The following DPP6 variants were observed in gnomAD, a reference collection of about 807,000 sequenced individuals.
DPP6 encodes the protein dipeptidyl peptidase like 6.
Under a neutral mutation model 122.6 loss-of-function variants are expected in DPP6, and 69 were observed. That is an observed-to-expected ratio of 0.56 (90% CI 0.46 to 0.69). DPP6 has a LOEUF of 0.69. DPP6 is among the 30% of genes least tolerant of loss of function. The pLI, the probability that DPP6 is intolerant of heterozygous loss-of-function variation, is 0.00. For synonymous variants in DPP6, 418 were observed against 433.1 expected (o/e 0.97, Z 0.43); for missense variants, 928 against 1,116.9 (o/e 0.83, Z 2.41).
At chr7:154,685,427 G>T (rs1051116843) in intron 7 of DPP6, among the ~76,000 whole-genome samples, 1 of 152,264 alleles carries the variant, frequency 6.6e-6, no homozygotes, top group East Asian at 1.9e-4. Flanking sequence ...GCTCTGGTTC[G>T]TTTGGACCAG....
intron 3 of DPP6, among the ~76,000 whole-genome samples, chr7:154,533,073 T>A (rs1010049741): frequency 6.6e-6 from 1 of 152,192 alleles, no homozygotes; most frequent in Non-Finnish European, 1.5e-5. Flanking sequence ...TACCATTAGA[T>A]CACATCACCT....
At chr7:153,987,307 G>A (rs1159931684) in intron 1 of DPP6, among the ~76,000 whole-genome samples, 3 of 152,156 alleles carry the variant, frequency 2.0e-5, no homozygotes, top group African/African-American at 7.2e-5. Flanking sequence ...TACCATGCCT[G>A]GGGCTTCAAT....
At chr7:153,755,860 A>G in the DPP6 span, among the ~76,000 whole-genome samples, 2 of 152,106 alleles carry the variant, frequency 1.3e-5, no homozygotes, top group South Asian at 4.1e-4. Flanking sequence ...CTCTTTCTGT[A>G]GGAAGCCCTC....
intron 1 of DPP6, among the ~76,000 whole-genome samples, chr7:154,323,259 A>C (rs1308466782): frequency 6.6e-6 from 1 of 151,712 alleles, no homozygotes; most frequent in Non-Finnish European, 1.5e-5. Flanking sequence ...TCTCTTTTGG[A>C]GTTTATGTAT....
At position 154,892,991 on chromosome 7, in the gene DPP6, C is replaced by T. The variant is rs371095034; in HGVS notation, c.*511C>T. On this transcript the variant is annotated 3_prime_UTR_variant, in exon 26 of 26. Transcript: ENST00000377770. ...GGCTTGCTACTTCCTGTAATGAGGACGTTCAACATGGTGAGGGGCTACAAG... is the reference window on the plus strand; with the variant it reads ...GGCTTGCTACTTCCTGTAATGAGGATGTTCAACATGGTGAGGGGCTACAAG... The T allele has an allele frequency of 5.1e-5, 26 of 510,570 alleles. No homozygotes were observed. Among genetic ancestry groups the T allele is most frequent in the South Asian group, 2.7e-4 (19 of 71,104 alleles). The allele number at this position is 510,570 out of a possible 1,614,324, so 31.6% of individuals were successfully genotyped here.
At chr7:154,129,816 C>T (rs1030898730) in intron 1 of DPP6, among the ~76,000 whole-genome samples, 1 of 151,732 alleles carries the variant, frequency 6.6e-6, no homozygotes, top group Non-Finnish European at 1.5e-5. Context: ...AGGAGAATGG[C>T]ACAAACCCAG....
intron 1 of DPP6, among the ~76,000 whole-genome samples, chr7:153,904,648 C>T (rs2129000339): frequency 6.6e-6 from 1 of 152,336 alleles, no homozygotes; most frequent in East Asian, 1.9e-4. Flanking sequence ...GTCTCATACG[C>T]AGGCACTGAG....
At chr7:154,207,728 C>A (rs1187769783) in intron 1 of DPP6, among the ~76,000 whole-genome samples, 1 of 152,178 alleles carries the variant, frequency 6.6e-6, no homozygotes, top group Non-Finnish European at 1.5e-5. Context: ...TACATACTAT[C>A]TTTTTATAAA....
Position 153,887,476 on chromosome 7 carries a change from G to T in DPP6, c.-208G>T, listed in dbSNP as rs977566652. Reference sequence around the variant, plus strand: ...TTTCTTTATTGGTAGCGGCCAAAAAGAGTTGATTGCTATTGGGATCCGCTG... The same window carrying T: ...TTTCTTTATTGGTAGCGGCCAAAAATAGTTGATTGCTATTGGGATCCGCTG... On this transcript the variant is annotated 5_prime_UTR_variant, in exon 1 of 26. Transcript: ENST00000404039. 28 of 503,782 alleles carry T rather than the reference G, an allele frequency of 5.6e-5. 1 individual carries two copies. Among genetic ancestry groups the T allele is most frequent in the Non-Finnish European group, 8.9e-5 (25 of 280,934 alleles). 31.2% of individuals were successfully genotyped at this position (503,782 alleles called of 1,614,324 possible).
intron 1 of DPP6, among the ~76,000 whole-genome samples, chr7:153,931,265 A>T (rs1379681196): frequency 6.6e-6 from 1 of 152,230 alleles, no homozygotes; most frequent in African/African-American, 2.4e-5. Context: ...CACTTTCTGT[A>T]GGGAAGTATA....
At chr7:153,842,969 C>A in the DPP6 span, among the ~76,000 whole-genome samples, 3 of 152,192 alleles carry the variant, frequency 2.0e-5, no homozygotes, top group African/African-American at 7.2e-5. Flanking sequence ...CACTCACCCA[C>A]CTGCGCATGT....
intron 1 of DPP6, among the ~76,000 whole-genome samples, chr7:154,438,177 T>C (rs1006283405): frequency 6.6e-6 from 1 of 151,758 alleles, no homozygotes; most frequent in South Asian, 2.1e-4. Flanking sequence ...AAATGAAATA[T>C]CTCCTAAAGG....
the DPP6 span, among the ~76,000 whole-genome samples, chr7:153,833,096 T>C: frequency 2.0e-5 from 3 of 152,362 alleles, no homozygotes; most frequent in Admixed American, 1.3e-4. Context: ...ATGGTATCTC[T>C]GGTTGAGGCC....
At chr7:154,705,437 G>A (rs1419656469) in intron 7 of DPP6, among the ~76,000 whole-genome samples, 3 of 152,080 alleles carry the variant, frequency 2.0e-5, no homozygotes, top group Non-Finnish European at 4.4e-5. Flanking sequence ...AGTGCAAAAC[G>A]TCTTCCATAT....
chr7:154,124,350 G>A (rs1371809796), intron 1 of DPP6, among the ~76,000 whole-genome samples: 1 of 152,124 alleles, frequency 6.6e-6, no homozygotes, highest in Non-Finnish European at 1.5e-5. Flanking sequence ...AGCAGGGGAG[G>A]AGGGTGAGAG....
intron 1 of DPP6, among the ~76,000 whole-genome samples, chr7:153,911,994 G>A (rs1012998933): frequency 6.6e-6 from 1 of 152,080 alleles, no homozygotes; most frequent in South Asian, 2.1e-4. Context: ...GTTAAATTAG[G>A]AATTCAGAAC....
intron 1 of DPP6, among the ~76,000 whole-genome samples, chr7:154,324,238 G>T (rs528411584): frequency 5.9e-5 from 9 of 152,296 alleles, no homozygotes; most frequent in African/African-American, 7.2e-5. Context: ...CAGGTTGCTT[G>T]GGGAGCTGAT....
chr7:153,972,134 A>C (rs1796050650), intron 1 of DPP6, among the ~76,000 whole-genome samples: 1 of 151,250 alleles, frequency 6.6e-6, no homozygotes. Flanking sequence ...TTACTATCAC[A>C]CTGATCTTGT....
At chr7:154,460,302 A>G (rs1821184424) in intron 2 of DPP6, among the ~76,000 whole-genome samples, 1 of 152,162 alleles carries the variant, frequency 6.6e-6, no homozygotes, top group South Asian at 2.1e-4. Flanking sequence ...ACTTTTTAAT[A>G]TCATGCTGAT....
Sources: allele counts gnomAD v4.1 joint callset (sites outside exome capture counted in the v4.1 genomes callset), GRCh38; gene constraint gnomAD v4.1.1; transcripts MANE v1.5; gene names NCBI Gene and HGNC (gene_info 2026-07-23, HGNC 2026-07-21).